The following KDM4C variants were observed in gnomAD, a reference collection of about 807,000 sequenced individuals.
KDM4C encodes lysine-specific demethylase 4C.
KDM4C carries 81 observed loss-of-function variants against 129.3 expected under a neutral mutation model. That is an observed-to-expected ratio of 0.63 (90% CI 0.52 to 0.75). The LOEUF is 0.75. Ranked by LOEUF, KDM4C falls within the 30% of genes least tolerant of loss-of-function variation. KDM4C has a pLI of 0.00. For missense variants in KDM4C, 1,457 were observed against 1,304.0 expected, an observed-to-expected ratio of 1.12 and a Z score of -1.81; for synonymous variants, 573 against 456.1, an observed-to-expected ratio of 1.26 and a Z score of -3.26.
chr9:7,040,948 T>G (rs1241601344), intron 15 of KDM4C, among the ~76,000 whole-genome samples: 1 of 152,006 alleles, frequency 6.6e-6, no homozygotes, highest in East Asian at 1.9e-4. Context: ...AAATTTTCTG[T>G]CAATATCTCT....
chr9:6,926,073 G>A (rs879540390), intron 8 of KDM4C, among the ~76,000 whole-genome samples: 1 of 152,106 alleles, frequency 6.6e-6, no homozygotes, highest in African/African-American at 2.4e-5. Context: ...ACTCAGTTAA[G>A]AAAGTGCTGG....
At chr9:7,076,701 A>T (rs926362108) in intron 17 of KDM4C, 73 of 1,247,494 alleles carry the variant, frequency 5.9e-5, no homozygotes, top group Non-Finnish European at 7.0e-5. Context: ...TAATTTTTTT[A>T]AATTTCATTT....
chr9:6,760,568 T>G (rs1819245764), intron 1 of KDM4C, among the ~76,000 whole-genome samples: 1 of 150,344 alleles, frequency 6.7e-6, no homozygotes. Flanking sequence ...ATTTATTTAT[T>G]TATTTATTTA....
chr9:6,912,660 A>G (rs755371187), intron 8 of KDM4C, among the ~76,000 whole-genome samples: 28 of 152,114 alleles, frequency 1.8e-4, no homozygotes, highest in Non-Finnish European at 4.0e-4. Context: ...GCTTTAACTA[A>G]TTTTGGTTTT....
intron 1 of KDM4C, among the ~76,000 whole-genome samples, chr9:6,765,857 C>T (rs973174486): frequency 6.6e-6 from 1 of 151,494 alleles, no homozygotes; most frequent in East Asian, 1.9e-4. Flanking sequence ...GGTGTGATCT[C>T]GGCTCACTGC....
chr9:7,036,270 T>C (rs1282968391), intron 15 of KDM4C, among the ~76,000 whole-genome samples: 1 of 152,178 alleles, frequency 6.6e-6, no homozygotes, highest in Non-Finnish European at 1.5e-5. Context: ...GTGGTCATGC[T>C]GGGAAGAAAG....
At chr9:6,803,985 G>A (rs184541618) in intron 2 of KDM4C, among the ~76,000 whole-genome samples, 9 of 152,140 alleles carry the variant, frequency 5.9e-5, no homozygotes, top group Admixed American at 5.9e-4. Context: ...ACCACGCCCG[G>A]ATAATTTTTG....
chr9:6,780,878 C>T (rs555461251), intron 1 of KDM4C, among the ~76,000 whole-genome samples: 40 of 150,294 alleles, frequency 2.7e-4, no homozygotes, highest in Non-Finnish European at 4.7e-4. Flanking sequence ...GCAGATTCTT[C>T]AGGCATTGAG....
In KDM4C at chr9:7,003,278, A is replaced by G. The variant is rs375830707; in HGVS notation, c.1787-8420A>G. Among the ~76,000 whole-genome samples the G allele has an allele frequency of 2.5e-4, 38 of 152,338 alleles. No homozygotes were observed. The East Asian group carries it at 6.2e-3, about 25-fold the overall frequency. On this transcript the variant is annotated intron_variant, in intron 12 of 21. Coordinates refer to ENST00000381309, the MANE Select transcript of KDM4C (RefSeq NM_015061.6). ...CCAGATACCTTTGTTAATAGTGTAGATAAACTTCCCAGCATTCCTTGTTTT... is the reference window on the plus strand; with the variant it reads ...CCAGATACCTTTGTTAATAGTGTAGGTAAACTTCCCAGCATTCCTTGTTTT...
chr9:6,910,952 A>G (rs1819186664), intron 8 of KDM4C, among the ~76,000 whole-genome samples: 2 of 152,232 alleles, frequency 1.3e-5, no homozygotes, highest in Non-Finnish European at 2.9e-5. Flanking sequence ...TGGATTAAAG[A>G]AAGGTTATAG....
At chr9:7,107,244 C>T (rs991843519) in intron 18 of KDM4C, among the ~76,000 whole-genome samples, 4 of 152,164 alleles carry the variant, frequency 2.6e-5, no homozygotes, top group African/African-American at 9.7e-5. Flanking sequence ...ATATTCCTAA[C>T]CCAGTTATCT....
At chr9:6,811,981 A>G (rs1831237702) in intron 3 of KDM4C, among the ~76,000 whole-genome samples, 1 of 152,218 alleles carries the variant, frequency 6.6e-6, no homozygotes, top group Non-Finnish European at 1.5e-5. Context: ...TAGCCAAGTC[A>G]TTTATTTTGT....
intron 17 of KDM4C, among the ~76,000 whole-genome samples, chr9:7,073,741 A>G (rs997050447): frequency 6.6e-6 from 1 of 152,224 alleles, no homozygotes; most frequent in African/African-American, 2.4e-5. Flanking sequence ...ATTAAGTTTG[A>G]ACATATCCTC....
At chr9:7,003,283 C>G (rs1586838637) in intron 12 of KDM4C, among the ~76,000 whole-genome samples, 1 of 152,118 alleles carries the variant, frequency 6.6e-6, no homozygotes, top group African/African-American at 2.4e-5. Context: ...TGTAGATAAA[C>G]TTCCCAGCAT....
intron 1 of KDM4C, among the ~76,000 whole-genome samples, chr9:6,792,609 G>A (rs761192346): frequency 1.1e-4 from 16 of 152,106 alleles, no homozygotes; most frequent in South Asian, 4.1e-4. Flanking sequence ...GTCTGGTCTC[G>A]AACTCCTGAC....
chr9:7,055,648 C>T (rs538676158), intron 17 of KDM4C, among the ~76,000 whole-genome samples: 2 of 152,276 alleles, frequency 1.3e-5, no homozygotes, highest in East Asian at 3.9e-4. Context: ...TGTGGTATTC[C>T]ATCTCAAGAG....
At chr9:6,726,708 T>A (rs1021113761) in intron 1 of KDM4C, 1 of 152,240 alleles carries the variant, frequency 6.6e-6, no homozygotes, top group African/African-American at 2.4e-5. Context: ...ACTAAAAGAA[T>A]TGCCTTAATC....
chr9:6,996,321 A>G (rs1435709243), intron 12 of KDM4C, among the ~76,000 whole-genome samples: 1 of 152,194 alleles, frequency 6.6e-6, no homozygotes, highest in African/African-American at 2.4e-5. Context: ...GTATCTGAAC[A>G]TGTGCTTTAT....
rs537932707 is a variant in KDM4C, at chr9:7,140,498, G to T, written c.2781+12262G>T. On this transcript the variant is annotated intron_variant, in intron 19 of 21. Coordinates refer to ENST00000381309, the MANE Select transcript of KDM4C (RefSeq NM_015061.6). Reference sequence around the variant, plus strand: ...AGTCCTCTTTCTTCTTAGAGTTGGGGACTCATAAAGATGGGGAAGGCTAAT... The same window carrying T: ...AGTCCTCTTTCTTCTTAGAGTTGGGTACTCATAAAGATGGGGAAGGCTAAT... Among the ~76,000 whole-genome samples, 7 of 152,312 alleles carry T rather than the reference G, an allele frequency of 4.6e-5. No homozygotes were observed. In the South Asian group the frequency reaches 1.5e-3, roughly 32 times the overall value.
Sources: gnomAD v4.1 joint callset for allele counts (sites outside exome capture counted in the v4.1 genomes callset) on GRCh38, gnomAD v4.1.1 for gene constraint, MANE v1.5 for transcripts, NCBI Gene and HGNC (gene_info 2026-07-23, HGNC 2026-07-21) for gene names.